Variants in C4orf36 observed in about 807,000 individuals in gnomAD.
C4orf36 encodes chromosome 4 open reading frame 36.
C4orf36 carries 11 observed loss-of-function variants against 12.2 expected under a neutral mutation model. That is an observed-to-expected ratio of 0.90 (90% CI 0.57 to 1.49). The LOEUF is 1.49. Among genes scored for constraint, C4orf36 ranks in the 40% most tolerant of loss-of-function variants. The probability of loss-of-function intolerance (pLI) is 0.00; values close to 1 mark genes in which losing one functional copy is unlikely to be tolerated. For synonymous variants in C4orf36, 54 were observed against 51.3 expected (o/e 1.05, Z -0.22); for missense variants, 137 against 133.9 (o/e 1.02, Z -0.11).
the C4orf36 span, among the ~76,000 whole-genome samples, chr4:86,904,689 T>C: frequency 6.7e-6 from 1 of 148,734 alleles, no homozygotes; most frequent in East Asian, 2.0e-4. Flanking sequence ...AGCCCCGGAG[T>C]TCAAGGTCAG....
the C4orf36 span, among the ~76,000 whole-genome samples, chr4:86,906,762 G>GGTGC: frequency 7.0e-6 from 1 of 141,942 alleles, no homozygotes; most frequent in Non-Finnish European, 1.5e-5. Context: ...AGAATTGGCT[G>GGTGC]GGCACGGTGC....
chr4:86,893,781 A>G (rs1747517719), upstream of C4orf36, among the ~76,000 whole-genome samples: 1 of 152,172 alleles, frequency 6.6e-6, no homozygotes, highest in South Asian at 2.1e-4. Flanking sequence ...CCGAGGAGTG[A>G]CAGTGGGTGT....
intron 4 of C4orf36, among the ~76,000 whole-genome samples, chr4:86,882,580 T>C (rs558867846): frequency 1.3e-5 from 2 of 152,290 alleles, no homozygotes; most frequent in African/African-American, 4.8e-5. Context: ...CAACTCTGAT[T>C]GAGCAGAGGA....
chr4:86,881,264 T>C (rs1490364556), intron 4 of C4orf36, among the ~76,000 whole-genome samples: 1 of 152,192 alleles, frequency 6.6e-6, no homozygotes, highest in Non-Finnish European at 1.5e-5. Flanking sequence ...AATTTTTGCA[T>C]GCCACTGAAG....
At chr4:86,913,644 C>T in the C4orf36 span, 2 of 1,582,846 alleles carry the variant, frequency 1.3e-6, no homozygotes, top group Non-Finnish European at 1.7e-6. Context: ...GACCTGCACA[C>T]TTTTTGAGGC....
At chr4:86,892,474 C>T, upstream of C4orf36, 1 of 985,150 alleles carries the variant, frequency 1.0e-6, no homozygotes, top group Non-Finnish European at 1.2e-6. Context: ...GTGGGGCCCT[C>T]CCCACCCGCC....
the C4orf36 span, among the ~76,000 whole-genome samples, chr4:86,931,729 T>C: frequency 6.6e-6 from 1 of 152,188 alleles, no homozygotes; most frequent in Non-Finnish European, 1.5e-5. Flanking sequence ...CATAAGTATA[T>C]GCTCAGGTTA....
At chr4:86,909,764 C>A in the C4orf36 span, among the ~76,000 whole-genome samples, 1 of 152,040 alleles carries the variant, frequency 6.6e-6, no homozygotes, top group Non-Finnish European at 1.5e-5. Flanking sequence ...GCAAGACTTA[C>A]AGTAAATAAA....
the C4orf36 span, among the ~76,000 whole-genome samples, chr4:86,904,301 C>A: frequency 1.3e-5 from 2 of 152,256 alleles, no homozygotes; most frequent in African/African-American, 2.4e-5. Flanking sequence ...CTTCACACTT[C>A]CCCGCGAGCA....
upstream of C4orf36, among the ~76,000 whole-genome samples, chr4:86,893,629 A>T (rs776903650): frequency 1.8e-4 from 28 of 151,770 alleles, no homozygotes; most frequent in South Asian, 6.2e-4. Flanking sequence ...TCTGACAAGC[A>T]ACTTCTGATC....
At chr4:86,895,141 A>G (rs899645590), upstream of C4orf36, among the ~76,000 whole-genome samples, 9 of 152,068 alleles carry the variant, frequency 5.9e-5, no homozygotes, top group Admixed American at 5.9e-4. Flanking sequence ...GTGAGACCCC[A>G]TCTTTACAGA....
chr4:86,904,845 G>C, the C4orf36 span, among the ~76,000 whole-genome samples: 1 of 152,160 alleles, frequency 6.6e-6, no homozygotes, highest in African/African-American at 2.4e-5. Flanking sequence ...CGTAGCTGCT[G>C]TTAAGGACTG....
intron 4 of C4orf36, among the ~76,000 whole-genome samples, chr4:86,881,625 G>A (rs948002328): frequency 6.6e-6 from 1 of 151,772 alleles, no homozygotes; most frequent in Non-Finnish European, 1.5e-5. Context: ...TTAAAAATAA[G>A]AATGCAACAA....
chr4:86,935,758 G>C, the C4orf36 span: 1 of 152,398 alleles, frequency 6.6e-6, no homozygotes, highest in Admixed American at 6.5e-5. Flanking sequence ...GGCGTGTGTC[G>C]GTGGTCCGTA....
rs774342134 is a variant in C4orf36 at position 86,888,104 on chromosome 4, G to A, written c.220+17C>T. The A allele has an allele frequency of 2.5e-6, 4 of 1,604,490 alleles. No individual in the cohort carries two copies. Among genetic ancestry groups the A allele is most frequent in the Non-Finnish European group, 3.4e-6 (4 of 1,175,722 alleles). On this transcript the variant is annotated intron_variant, in intron 3 of 4. Transcript: ENST00000295898. The stretch of plus-strand genomic sequence containing the variant: ...ACTGAATTTATAACTTATTAAAGCA[G>A]AACTTAAGGAACTTACATTCTGCAG...
At chr4:86,881,090 T>C (rs1249566845) in intron 4 of C4orf36, among the ~76,000 whole-genome samples, 2 of 150,948 alleles carry the variant, frequency 1.3e-5, no homozygotes, top group Non-Finnish European at 2.9e-5. Flanking sequence ...GTATTGTAAG[T>C]AGTGTAATGT....
the C4orf36 span, chr4:86,913,565 T>C: frequency 1.7e-6 from 2 of 1,142,910 alleles, no homozygotes; most frequent in Non-Finnish European, 2.6e-6. Flanking sequence ...GCAGCAGTCA[T>C]GGCCAGCAGC....
chr4:86,922,529 C>G, the C4orf36 span, among the ~76,000 whole-genome samples: 3 of 152,190 alleles, frequency 2.0e-5, no homozygotes, highest in Non-Finnish European at 4.4e-5. Context: ...CATTTGCCAG[C>G]TGGTGCAATG....
the C4orf36 span, among the ~76,000 whole-genome samples, chr4:86,927,120 A>C: frequency 6.6e-6 from 1 of 152,192 alleles, no homozygotes; most frequent in African/African-American, 2.4e-5. Flanking sequence ...AGAAGATAGG[A>C]GTCATCTTGT....
Sources: gnomAD v4.1 joint callset for allele counts (sites outside exome capture counted in the v4.1 genomes callset) on GRCh38, gnomAD v4.1.1 for gene constraint, MANE v1.5 for transcripts, NCBI Gene and HGNC (gene_info 2026-07-23, HGNC 2026-07-21) for gene names.